ZDHHC17: variants seen among roughly 807,000 people sequenced by gnomAD.
The protein encoded by ZDHHC17 is palmitoyltransferase ZDHHC17.
In ZDHHC17, 40 loss-of-function variants were observed where a neutral mutation model predicts 90.3. The ratio of observed to expected loss-of-function variants is 0.44; its 90% CI spans 0.34 to 0.58. The LOEUF (loss-of-function observed/expected upper bound fraction) is 0.58. Ranked by LOEUF, ZDHHC17 falls within the 20% of genes least tolerant of loss-of-function variation. The pLI is 0.01. For missense variants in ZDHHC17, 614 were observed against 780.8 expected (o/e 0.79, Z 2.55); for synonymous variants, 235 against 252.4 (o/e 0.93, Z 0.65).
Position 76,764,152 on chromosome 12 carries a change from GTCGCCTCCGGCGGGGCTCGCGC to G in ZDHHC17, c.-79_-58del. The G allele has an allele frequency of 9.2e-7, 1 of 1,087,548 alleles. No individual in the cohort carries two copies. Among genetic ancestry groups the G allele is most frequent in the African/African-American group, 1.6e-5 (1 of 60,886 alleles). 67.4% of individuals were successfully genotyped at this position (1,087,548 alleles called of 1,614,324 possible). The stretch of plus-strand genomic sequence containing the variant: ...GGAGAAGAAGGAGGAGGAGGCCCGC[GTCGCCTCCGGCGGGGCTCGCGC>G]TCGCCCCGCGCTCGCCCTCCGCCTC... On this transcript the variant is annotated 5_prime_UTR_variant, in exon 1 of 17. Transcript: ENST00000426126.
intron 1 of ZDHHC17, among the ~76,000 whole-genome samples, chr12:76,772,163 T>C (rs576379272): frequency 5.9e-5 from 9 of 152,346 alleles, no homozygotes; most frequent in Admixed American, 3.3e-4. Context: ...AGAGGTTAAG[T>C]AGTAATCCAG....
intron 5 of ZDHHC17, among the ~76,000 whole-genome samples, chr12:76,812,271 C>T (rs1202950771): frequency 6.6e-6 from 1 of 152,138 alleles, no homozygotes; most frequent in Non-Finnish European, 1.5e-5. Flanking sequence ...CCTTTGAGCT[C>T]CACTTCTGCC....
In ZDHHC17 at chr12:76,850,887, C is replaced by T. The variant is rs1040489240; in HGVS notation, c.1801C>T (p.Arg601Ter). Residue 601 changes from arginine (R) to a stop codon, truncating the protein, a stop_gained, in exon 17 of 17, where the codon CGA (arginine) becomes TGA (stop). Transcript: ENST00000426126. LOFTEE classifies it high-confidence loss of function. ...VRNIIDFFEFRCCGLFRPVIV... is the reference protein window; with the variant it reads ...VRNIIDFFEF ...AAATATTATAGACTTCTTTGAATTT[C>T]GATGCTGTGGCCTCTTTCGTCCTGT... The T allele has an allele frequency of 6.2e-7, 1 of 1,613,862 alleles. No homozygotes were observed. The highest frequency in any genetic ancestry group is 8.5e-7 in the Non-Finnish European group (1 of 1,179,848).
chr12:76,800,931 A>C (rs1952880305), intron 2 of ZDHHC17, among the ~76,000 whole-genome samples: 2 of 127,560 alleles, frequency 1.6e-5, no homozygotes, highest in Non-Finnish European at 3.1e-5. Flanking sequence ...TCTATCGCCT[A>C]GGCTGGAGTG....
chr12:76,781,659 C>T (rs1952628899), intron 1 of ZDHHC17: 1 of 455,966 alleles, frequency 2.2e-6, no homozygotes, highest in Admixed American at 2.3e-5. Context: ...GCCCCTTCAC[C>T]TTGGACTACT....
intron 11 of ZDHHC17, 55 bp from the exon 12 acceptor site, chr12:76,842,864 A>G: frequency 1.5e-6 from 2 of 1,322,654 alleles, no homozygotes; most frequent in Non-Finnish European, 2.1e-6. Context: ...TGGTGGCAAA[A>G]GAGTTGGTGA....
intron 1 of ZDHHC17, among the ~76,000 whole-genome samples, chr12:76,785,624 A>G (rs1952675554): frequency 2.0e-5 from 3 of 152,210 alleles, no homozygotes; most frequent in East Asian, 1.9e-4. Flanking sequence ...GGCACACATA[A>G]TAGGTCATTT....
intron 1 of ZDHHC17, among the ~76,000 whole-genome samples, chr12:76,794,459 T>C (rs1372766595): frequency 1.3e-5 from 2 of 152,178 alleles, no homozygotes; most frequent in African/African-American, 4.8e-5. Context: ...AAGTGAGAAA[T>C]AAAGTTCTTT....
At chr12:76,828,558 A>G in intron 10 of ZDHHC17, 68 bp downstream of exon 10, 1 of 1,402,528 alleles carries the variant, frequency 7.1e-7, no homozygotes, top group Non-Finnish European at 1.0e-6. Context: ...ATGTTTAATA[A>G]TTTGACATTA....
rs1246187406 is a variant in ZDHHC17 at position 76,848,288 on chromosome 12, T to C, written c.1563T>C (p.Ile521=). 4 of 1,613,842 alleles carry C rather than the reference T, an allele frequency of 2.5e-6. No individual in the cohort carries two copies. The highest frequency in any genetic ancestry group is 3.4e-6 in the Non-Finnish European group (4 of 1,179,880). The change falls in exon 15 of 17, where the codon ATT becomes ATC. Residue 521 remains isoleucine (I), a synonymous_variant. Transcript: ENST00000426126. ...CCAAGGATGGATTTTGGACATACATTACTCAGATTGCCACGTGTTCACCTT... is the reference window on the plus strand; with the variant it reads ...CCAAGGATGGATTTTGGACATACATCACTCAGATTGCCACGTGTTCACCTT... ...TYTKDGFWTY[I]TQIATCSPWM...
intron 1 of ZDHHC17, chr12:76,764,946 G>T: frequency 2.3e-6 from 1 of 434,702 alleles, no homozygotes; most frequent in South Asian, 1.6e-5. Context: ...TCAAAGTACC[G>T]TTTTTCTAGG....
intron 7 of ZDHHC17, chr12:76,820,985 T>C: frequency 1.1e-6 from 1 of 905,496 alleles, no homozygotes; most frequent in African/African-American, 1.7e-5. Flanking sequence ...ATAAAAGAAC[T>C]ATACAAAAAT....
chr12:76,788,910 T>A (rs986319171), intron 1 of ZDHHC17, among the ~76,000 whole-genome samples: 4 of 151,986 alleles, frequency 2.6e-5, no homozygotes, highest in African/African-American at 9.7e-5. Flanking sequence ...TTGGTCAGGC[T>A]GGTCTCAAGC....
chr12:76,775,051 C>T (rs1250619572), intron 1 of ZDHHC17, among the ~76,000 whole-genome samples: 3 of 152,146 alleles, frequency 2.0e-5, no homozygotes, highest in Non-Finnish European at 4.4e-5. Flanking sequence ...TGGTCTTGAA[C>T]TCCTGGGTTT....
At chr12:76,767,867 C>T (rs1427246269) in intron 1 of ZDHHC17, among the ~76,000 whole-genome samples, 1 of 151,454 alleles carries the variant, frequency 6.6e-6, no homozygotes, top group East Asian at 1.9e-4. Flanking sequence ...TGCAGTGAGC[C>T]GAGATTGCAC....
At chr12:76,819,273 G>A (rs1306927382) in intron 7 of ZDHHC17, among the ~76,000 whole-genome samples, 1 of 152,124 alleles carries the variant, frequency 6.6e-6, no homozygotes, top group Non-Finnish European at 1.5e-5. Context: ...AGCTAATTAA[G>A]TAAACTTAAA....
chr12:76,807,331 A>G (rs1156252968), intron 3 of ZDHHC17, among the ~76,000 whole-genome samples: 2 of 152,178 alleles, frequency 1.3e-5, no homozygotes, highest in African/African-American at 2.4e-5. Context: ...ATGTATTTAT[A>G]TTGACTTTCA....
Position 76,792,089 on chromosome 12 carries a change from A to G in ZDHHC17, c.94-5345A>G, listed in dbSNP as rs181343493. Among the ~76,000 whole-genome samples the G allele has an allele frequency of 4.6e-5, 7 of 152,282 alleles. No individual in the cohort carries two copies. In the East Asian group the frequency reaches 1.4e-3, roughly 29 times the overall value. ...CACCTCATTCTCCTTTCTGGAGGTC[A>G]GTAAGAAGAGTTGAAAATTCCAGCT... On this transcript the variant is annotated intron_variant, in intron 1 of 16. Transcript: ENST00000426126.
intron 1 of ZDHHC17, among the ~76,000 whole-genome samples, chr12:76,788,801 A>T (rs1952725820): frequency 6.9e-6 from 1 of 145,756 alleles, no homozygotes; most frequent in Non-Finnish European, 1.5e-5. Context: ...GGTTCAAGCG[A>T]TTCTCCTGCC....
Sources: gnomAD v4.1 joint callset for allele counts (sites outside exome capture counted in the v4.1 genomes callset) on GRCh38, gnomAD v4.1.1 for gene constraint, MANE v1.5 for transcripts, NCBI Gene and HGNC (gene_info 2026-07-23, HGNC 2026-07-21) for gene names.